The following NDC80 variants were observed in gnomAD, a reference collection of about 807,000 sequenced individuals.
NDC80 encodes kinetochore protein NDC80 homolog.
A neutral mutation model predicts 89.3 loss-of-function variants in NDC80; 69 were observed. That is an observed-to-expected ratio of 0.77 (90% CI 0.64 to 0.94). NDC80 has a LOEUF of 0.94. Among genes scored for constraint, NDC80 ranks in the 40% least tolerant of loss-of-function variants. NDC80 has a pLI of 0.00. For missense variants in NDC80, 593 were observed against 739.6 expected, an observed-to-expected ratio of 0.80 and a Z score of 2.30; for synonymous variants, 243 against 255.6, an observed-to-expected ratio of 0.95 and a Z score of 0.47.
chr18:2,584,756 C>G (rs2072595833), intron 6 of NDC80, among the ~76,000 whole-genome samples: 1 of 152,032 alleles, frequency 6.6e-6, no homozygotes, highest in African/African-American at 2.4e-5. Flanking sequence ...GTTTTGGATT[C>G]TTAGTTAAAG....
intron 16 of NDC80, among the ~76,000 whole-genome samples, chr18:2,611,607 T>C (rs1178370804): frequency 6.6e-6 from 1 of 152,146 alleles, no homozygotes; most frequent in African/African-American, 2.4e-5. Context: ...ATGAGTTTTA[T>C]TTACCTCATC....
intron 6 of NDC80, chr18:2,582,206 A>C (rs1236841074): frequency 6.6e-6 from 1 of 152,232 alleles, no homozygotes; most frequent in African/African-American, 2.4e-5. Context: ...CCTCCCAAGT[A>C]GCTAGGATTA....
In NDC80 at chr18:2,597,529, G is replaced by A. The variant is rs150185083; in HGVS notation, c.1222-1490G>A. ...GTGGATCATCAGAAGTTATGACTTC[G>A]AGACCAGCCTGGCCAACATGGTGAA... On this transcript the variant is annotated intron_variant, in intron 11 of 16. Coordinates refer to ENST00000261597, the MANE Select transcript of NDC80 (RefSeq NM_006101.3). Among the ~76,000 whole-genome samples the A allele has an allele frequency of 7.7e-3, 1,178 of 152,160 alleles. 16 individuals carry two copies. The highest frequency in any genetic ancestry group is 0.027 in the African/African-American group (1,115 of 41,512).
At chr18:2,591,389 T>A (rs2072626828) in intron 10 of NDC80, among the ~76,000 whole-genome samples, 1 of 152,160 alleles carries the variant, frequency 6.6e-6, no homozygotes, top group Admixed American at 6.6e-5. Flanking sequence ...TATTGACAAC[T>A]ATACTGTTTT....
chr18:2,589,131 A>G (rs1281777045), intron 8 of NDC80, 73 bp from the exon 9 acceptor site: 11 of 919,708 alleles, frequency 1.2e-5, no homozygotes, highest in Admixed American at 1.8e-5. Flanking sequence ...GGGAGGGAGT[A>G]ATGGTGAAAA....
chr18:2,587,042 A>G (rs1211380897), intron 7 of NDC80, among the ~76,000 whole-genome samples: 2 of 152,186 alleles, frequency 1.3e-5, no homozygotes, highest in Admixed American at 1.3e-4. Flanking sequence ...AAATGTATTA[A>G]TTTACCATCA....
At position 2,609,364 on chromosome 18, in the gene NDC80, A is replaced by T. The variant is rs2072730879; in HGVS notation, c.1688+534A>T. ...GGGAAAACTGATATTGAGGCACAGC[A>T]CTAAAATTTCATCAGTAGTTAGGCT... is the stretch of plus-strand genomic sequence containing the variant. On this transcript the variant is annotated intron_variant, in intron 15 of 16. Coordinates refer to ENST00000261597, the MANE Select transcript of NDC80 (RefSeq NM_006101.3). Among the ~76,000 whole-genome samples, 3 of 152,132 alleles carry T rather than the reference A, an allele frequency of 2.0e-5. No individual in the cohort carries two copies. The South Asian group carries it at 6.2e-4, about 32-fold the overall frequency.
chr18:2,584,517 TTAAC>T (rs1191971219), intron 6 of NDC80, among the ~76,000 whole-genome samples: 1 of 152,178 alleles, frequency 6.6e-6, no homozygotes, highest in Non-Finnish European at 1.5e-5. Flanking sequence ...TTAAAAACCT[TTAAC>T]TATTTTCCTT....
chr18:2,572,848 C>T, intron 1 of NDC80, 129 bp from the exon 2 acceptor site: 1 of 660,530 alleles, frequency 1.5e-6, no homozygotes, highest in Middle Eastern at 3.3e-4. Flanking sequence ...AAGAGATACC[C>T]CAGGGGAAAG....
intron 2 of NDC80, among the ~76,000 whole-genome samples, chr18:2,573,422 A>T (rs2072529929): frequency 6.6e-6 from 1 of 152,216 alleles, no homozygotes; most frequent in African/African-American, 2.4e-5. Context: ...CTTAGAGTTC[A>T]CTGAGATATT....
intron 8 of NDC80, among the ~76,000 whole-genome samples, chr18:2,588,586 A>G (rs1209513223): frequency 6.6e-6 from 1 of 152,200 alleles, no homozygotes; most frequent in African/African-American, 2.4e-5. Flanking sequence ...TATTCCTCCA[A>G]CAATGGAATC....
intron 12 of NDC80, among the ~76,000 whole-genome samples, chr18:2,600,564 C>T (rs887039010): frequency 6.6e-6 from 1 of 151,576 alleles, no homozygotes; most frequent in Non-Finnish European, 1.5e-5. Context: ...GCCAGGATCA[C>T]GCCACTGCAC....
At chr18:2,581,187 AG>A (rs1322140080) in intron 6 of NDC80, among the ~76,000 whole-genome samples, 1 of 152,194 alleles carries the variant, frequency 6.6e-6, no homozygotes, top group Non-Finnish European at 1.5e-5. Context: ...ACATTTAGGA[AG>A]GCCTTTTTTC....
intron 6 of NDC80, among the ~76,000 whole-genome samples, chr18:2,584,863 C>T (rs1292226084): frequency 6.6e-6 from 1 of 152,158 alleles, no homozygotes; most frequent in African/African-American, 2.4e-5. Context: ...AGAGTCCATC[C>T]TTTCTAGATC....
In NDC80 at chr18:2,608,843, C is replaced by T. The variant is rs2072728510; in HGVS notation, c.1688+13C>T. ...CTGTTCAGCGGGAGTAAGTTTATCT[C>T]ACCAAGATTTATACGTTTATTTTCA... On this transcript the variant is annotated intron_variant, in intron 15 of 16. Transcript: ENST00000261597. 3.8e-6 allele frequency: 6 copies of T among 1,593,054 alleles called. No individual in the cohort carries two copies. In the East Asian group the frequency reaches 1.1e-4, roughly 30 times the overall value.
At chr18:2,575,696 G>T (rs567156297) in intron 3 of NDC80, among the ~76,000 whole-genome samples, 3 of 152,112 alleles carry the variant, frequency 2.0e-5, no homozygotes, top group African/African-American at 4.8e-5. Flanking sequence ...AGGCCAAGGC[G>T]GGCAGATCAC....
At chr18:2,597,731 A>AG (rs2072664441) in intron 11 of NDC80, among the ~76,000 whole-genome samples, 1 of 59,024 alleles carries the variant, frequency 1.7e-5, no homozygotes, top group African/African-American at 3.9e-5. Flanking sequence ...ACTCTGTCTA[A>AG]AAAAAAAAAA....
intron 11 of NDC80, among the ~76,000 whole-genome samples, chr18:2,597,280 C>CTT (rs527714346): frequency 7.6e-4 from 116 of 152,256 alleles, no homozygotes; most frequent in African/African-American, 2.6e-3. Context: ...GATGAAGACT[C>CTT]TTCTTGTTTA....
At chr18:2,578,261 C>A (rs2072557980) in intron 5 of NDC80, 120 bp downstream of exon 5, 307 of 868,584 alleles carry the variant, frequency 3.5e-4, no homozygotes, top group East Asian at 6.5e-4. Flanking sequence ...CCACTGTGGG[C>A]AATATATGTA....
Sources: gnomAD v4.1 joint callset for allele counts (sites outside exome capture counted in the v4.1 genomes callset) on GRCh38, gnomAD v4.1.1 for gene constraint, MANE v1.5 for transcripts, NCBI Gene and HGNC (gene_info 2026-07-23, HGNC 2026-07-21) for gene names.